Variants in NAV2 observed in about 807,000 individuals in gnomAD.
The protein encoded by NAV2 is neuron navigator 2.
Under a neutral mutation model 223.2 loss-of-function variants are expected in NAV2, and 54 were observed. The ratio of observed to expected loss-of-function variants is 0.24; its 90% CI spans 0.19 to 0.30. NAV2 has a LOEUF of 0.30. Ranked by LOEUF, NAV2 falls within the 10% of genes least tolerant of loss-of-function variation. NAV2 has a pLI of 1.00. For synonymous variants in NAV2, 1,279 were observed against 1,239.3 expected (o/e 1.03, Z -0.67); for missense variants, 2,806 against 3,147.5 (o/e 0.89, Z 2.60).
At chr11:19,775,974 C>T (rs2056120653) in intron 1 of NAV2, among the ~76,000 whole-genome samples, 1 of 152,148 alleles carries the variant, frequency 6.6e-6, no homozygotes, top group Non-Finnish European at 1.5e-5. Context: ...GGTAGGGTGA[C>T]AAGTTGATCT....
intron 1 of NAV2, among the ~76,000 whole-genome samples, chr11:19,604,731 A>G (rs1422304199): frequency 2.6e-5 from 4 of 152,174 alleles, no homozygotes; most frequent in Non-Finnish European, 5.9e-5. Context: ...TCCCCATCCA[A>G]ATCTCATCTT....
chr11:19,907,527 G>C (rs1023278758), intron 6 of NAV2, among the ~76,000 whole-genome samples: 9 of 23,848 alleles, frequency 3.8e-4, no homozygotes, highest in African/African-American at 7.4e-4. Context: ...CCACTCATAG[G>C]GGGAGGGGGA....
intron 14 of NAV2, among the ~76,000 whole-genome samples, chr11:20,046,025 G>T (rs183877238): frequency 7.8e-4 from 119 of 152,228 alleles, no homozygotes; most frequent in Non-Finnish European, 1.9e-4. Flanking sequence ...GTGTCTGGTC[G>T]TAGTATGCAC....
intron 1 of NAV2, among the ~76,000 whole-genome samples, chr11:19,363,358 C>T (rs943478290): frequency 1.3e-5 from 2 of 152,198 alleles, no homozygotes; most frequent in Non-Finnish European, 2.9e-5. Context: ...ACATGTGCCA[C>T]ATTTTCTTTA....
At chr11:19,499,396 G>A (rs998862925) in intron 1 of NAV2, among the ~76,000 whole-genome samples, 3 of 152,194 alleles carry the variant, frequency 2.0e-5, no homozygotes, top group African/African-American at 7.2e-5. Flanking sequence ...AGGTGGGAAA[G>A]GGCAGGTATT....
At chr11:19,586,814 A>C (rs1399820624) in intron 1 of NAV2, among the ~76,000 whole-genome samples, 1 of 152,194 alleles carries the variant, frequency 6.6e-6, no homozygotes, top group Non-Finnish European at 1.5e-5. Context: ...CAGTTAGGCT[A>C]CTTGGGGGTC....
intron 1 of NAV2, among the ~76,000 whole-genome samples, chr11:19,489,345 C>T (rs1316213572): frequency 2.6e-5 from 4 of 152,172 alleles, no homozygotes; most frequent in African/African-American, 7.2e-5. Context: ...TGATGTCTTT[C>T]TACCTCTGCT....
chr11:19,623,150 G>T (rs1171165505), intron 1 of NAV2, among the ~76,000 whole-genome samples: 1 of 152,152 alleles, frequency 6.6e-6, no homozygotes, highest in African/African-American at 2.4e-5. Flanking sequence ...AGTCTGATGG[G>T]CTTCCCTTTG....
intron 10 of NAV2, among the ~76,000 whole-genome samples, chr11:19,982,190 A>C: frequency 6.6e-6 from 1 of 152,146 alleles, no homozygotes; most frequent in Non-Finnish European, 1.5e-5. Context: ...TTGAGATTTA[A>C]TTCATATATC....
chr11:19,950,684 G>A (rs1321531592), intron 10 of NAV2, among the ~76,000 whole-genome samples: 2 of 152,134 alleles, frequency 1.3e-5, no homozygotes, highest in South Asian at 2.1e-4. Context: ...TTTTGCAGGG[G>A]CAAAAGGAAA....
chr11:19,764,624 G>T (rs2055052074), intron 1 of NAV2, among the ~76,000 whole-genome samples: 2 of 152,186 alleles, frequency 1.3e-5, no homozygotes, highest in South Asian at 4.1e-4. Context: ...TCACATGTAA[G>T]AGTAAGCCTT....
At chr11:19,639,307 A>G (rs915263394) in intron 1 of NAV2, among the ~76,000 whole-genome samples, 1 of 152,212 alleles carries the variant, frequency 6.6e-6, no homozygotes, top group Non-Finnish European at 1.5e-5. Context: ...GTAACCAGGC[A>G]TGCTTATGAA....
At chr11:19,976,333 G>A (rs183094326) in intron 10 of NAV2, among the ~76,000 whole-genome samples, 4 of 152,262 alleles carry the variant, frequency 2.6e-5, no homozygotes, top group Middle Eastern at 3.4e-3. Context: ...AGAGGCGTGT[G>A]TTGAGTTGAG....
At chr11:19,769,550 C>T (rs1361304251) in intron 1 of NAV2, among the ~76,000 whole-genome samples, 2 of 152,142 alleles carry the variant, frequency 1.3e-5, no homozygotes, top group South Asian at 2.1e-4. Flanking sequence ...GCATCCACCC[C>T]GACCCCAGTG....
intron 23 of NAV2, 71 bp from the exon 24 acceptor site, chr11:20,077,922 C>G: frequency 1.6e-6 from 2 of 1,263,072 alleles, no homozygotes; most frequent in Non-Finnish European, 2.3e-6. Flanking sequence ...TGTGTTGAAG[C>G]CAAGTTGTAC....
At chr11:20,106,195 A>G (rs368627722) in intron 35 of NAV2, among the ~76,000 whole-genome samples, 2,568 of 22,100 alleles carry the variant, frequency 0.12, 569 homozygotes, top group Non-Finnish European at 0.27. Flanking sequence ...ATATATATAT[A>G]TATATATATA....
Position 20,105,621 on chromosome 11 carries a change from G to A in NAV2, c.6735G>A (p.Gly2245=). 6.2e-7 allele frequency: 1 copy of A among 1,614,074 alleles called. No individual in the cohort carries two copies. Residue 2245 remains glycine (G), a synonymous_variant, in exon 35 of 38, where the codon GGG becomes GGA. Transcript: ENST00000349880. ...AGCTCATGGAAACAGAGATCAGTGG[G>A]CGGGTGCGCAATATGGAGCTGGTAA... ...RRKLMETEIS[G]RVRNMELVKI... is the part of the protein sequence containing the mutation.
At chr11:19,352,323 T>C (rs1042695508) in intron 1 of NAV2, among the ~76,000 whole-genome samples, 2 of 152,246 alleles carry the variant, frequency 1.3e-5, no homozygotes, top group Non-Finnish European at 2.9e-5. Context: ...TGACTAAGTA[T>C]TAGCCAAGTT....
chr11:19,509,298 T>TGCATGC (rs2043206852), intron 1 of NAV2, among the ~76,000 whole-genome samples: 1 of 152,146 alleles, frequency 6.6e-6, no homozygotes, highest in East Asian at 1.9e-4. Flanking sequence ...TGTCTGTGTG[T>TGCATGC]GCATGCGCAT....
Sources: gnomAD v4.1 joint callset for allele counts (sites outside exome capture counted in the v4.1 genomes callset) on GRCh38, gnomAD v4.1.1 for gene constraint, MANE v1.5 for transcripts, NCBI Gene and HGNC (gene_info 2026-07-23, HGNC 2026-07-21) for gene names.